RBM33: variants seen among roughly 807,000 people sequenced by gnomAD.
RBM33 encodes the protein RNA-binding protein 33.
RBM33 carries 28 observed loss-of-function variants against 132.6 expected under a neutral mutation model. That is an observed-to-expected ratio of 0.21 (90% CI 0.16 to 0.29). The LOEUF (loss-of-function observed/expected upper bound fraction) is 0.29, where lower values mean the gene tolerates loss of function less well. Ranked by LOEUF, RBM33 falls within the 10% of genes least tolerant of loss-of-function variation. RBM33 has a pLI of 1.00. For missense variants in RBM33, 1,291 were observed against 1,518.5 expected, an observed-to-expected ratio of 0.85 and a Z score of 2.49; for synonymous variants, 634 against 593.0, an observed-to-expected ratio of 1.07 and a Z score of -1.01.
intron 3 of RBM33, among the ~76,000 whole-genome samples, chr7:155,673,800 A>ACACCC (rs369078260): frequency 7.0e-6 from 1 of 141,858 alleles, no homozygotes; most frequent in Non-Finnish European, 1.5e-5. Context: ...ACACACACAC[A>ACACCC]CCCCTACCAG....
At chr7:155,649,912 A>T (rs916613875) in intron 1 of RBM33, among the ~76,000 whole-genome samples, 1 of 152,202 alleles carries the variant, frequency 6.6e-6, no homozygotes, top group African/African-American at 2.4e-5. Context: ...TAGCTCAAAG[A>T]TCAGCCAGAG....
chr7:155,695,785 A>G (rs1176539309), intron 5 of RBM33, among the ~76,000 whole-genome samples: 2 of 152,184 alleles, frequency 1.3e-5, no homozygotes, highest in African/African-American at 4.8e-5. Context: ...ATGTCTTTTC[A>G]TGAGCAGAAA....
intron 12 of RBM33, among the ~76,000 whole-genome samples, 163 bp from the exon 13 acceptor site, chr7:155,741,654 ATT>A (rs2117031102): frequency 6.6e-6 from 1 of 152,340 alleles, no homozygotes; most frequent in Admixed American, 6.5e-5. Context: ...ATCAGGTGAC[ATT>A]TATGTATGAG....
At chr7:155,644,994 C>T (rs1448702930) in intron 1 of RBM33, 75 bp downstream of exon 1, 1 of 1,182,782 alleles carries the variant, frequency 8.5e-7, no homozygotes, top group Middle Eastern at 2.0e-4. Context: ...GGGGCCTCCC[C>T]GCTTAGGAGA....
At chr7:155,763,421 C>CATGCA (rs1802101366) in intron 14 of RBM33, among the ~76,000 whole-genome samples, 1 of 152,348 alleles carries the variant, frequency 6.6e-6, no homozygotes, top group East Asian at 1.9e-4. Context: ...AACCACTGCT[C>CATGCA]ATGCAAACTG....
chr7:155,706,993 G>A lies in RBM33; in HGVS notation c.873G>A (p.Gln291=), dbSNP rs1210639786. The A allele has an allele frequency of 1.9e-6, 3 of 1,591,070 alleles. No homozygotes were observed. The highest frequency in any genetic ancestry group is 2.6e-6 in the Non-Finnish European group (3 of 1,168,782). ...TGATGTGTCGTGGTGTGGGGGACCA[G>A]AGGAGAGAGAGCACCGAGAGGGGCA... ...GPLMCRGVGD[Q]RRESTERGRM... The change falls in exon 7 of 18, where the codon CAG becomes CAA. Residue 291 remains glutamine (Q), a synonymous_variant. Coordinates refer to ENST00000401878, the MANE Select transcript of RBM33 (RefSeq NM_053043.3).
chr7:155,745,826 A>G lies in RBM33; in HGVS notation c.2979+224A>G, dbSNP rs1362201855. 3.5e-6 allele frequency: 2 copies of G among 564,096 alleles called. No individual in the cohort carries two copies. The highest frequency in any genetic ancestry group is 1.9e-5 in the African/African-American group (1 of 53,242). 34.9% of individuals were successfully genotyped at this position (564,096 alleles called of 1,614,324 possible). A position where few individuals can be genotyped will look rare whatever the true frequency, so the allele number is the denominator to read the frequency against. ...GATTTTGTCATTGTCTGAACGTGCT[A>G]GAATGTACTTCCATACACAGACGGT... is the stretch of plus-strand genomic sequence containing the variant. On this transcript the variant is annotated intron_variant, in intron 14 of 17. Coordinates refer to ENST00000401878, the MANE Select transcript of RBM33 (RefSeq NM_053043.3). This position sits in a 1 kb window ranked among gnomAD's most constrained non-coding sequence, Gnocchi z 4.1.
intron 3 of RBM33, among the ~76,000 whole-genome samples, chr7:155,673,940 G>GTTGTTGTTTGTTTGTTTTT: frequency 5.5e-5 from 3 of 54,214 alleles, no homozygotes; most frequent in Non-Finnish European, 9.7e-5. Context: ...TTTAGGCTTA[G>GTTGTTGTTTGTTTGTTTTT]TTTTTTTTTT....
chr7:155,654,050 A>G (rs1214537602), intron 1 of RBM33, among the ~76,000 whole-genome samples: 2 of 152,234 alleles, frequency 1.3e-5, no homozygotes, highest in South Asian at 2.1e-4. Flanking sequence ...TTTAAAAAAT[A>G]TTGCAAAAGA....
At chr7:155,749,155 G>T (rs574559179) in intron 14 of RBM33, among the ~76,000 whole-genome samples, 3 of 152,274 alleles carry the variant, frequency 2.0e-5, no homozygotes, top group South Asian at 4.1e-4. Context: ...TGCAAGTGGG[G>T]TTAGTAAGTC....
At chr7:155,761,621 C>T (rs1052619259) in intron 14 of RBM33, among the ~76,000 whole-genome samples, 1 of 152,122 alleles carries the variant, frequency 6.6e-6, no homozygotes, top group African/African-American at 2.4e-5. Context: ...GGGTCCATTG[C>T]GGTGATCCCT....
At chr7:155,716,054 C>T (rs966351351) in intron 8 of RBM33, among the ~76,000 whole-genome samples, 2 of 152,196 alleles carry the variant, frequency 1.3e-5, no homozygotes, top group Non-Finnish European at 2.9e-5. Flanking sequence ...CCATTAAATA[C>T]ATGGGACAAG....
At chr7:155,694,013 C>A (rs1799719575) in intron 5 of RBM33, among the ~76,000 whole-genome samples, 1 of 152,126 alleles carries the variant, frequency 6.6e-6, no homozygotes, top group African/African-American at 2.4e-5. Flanking sequence ...TGTTGCCGAG[C>A]ATCCTGTTGT....
chr7:155,646,582 C>T (rs183136784), intron 1 of RBM33, among the ~76,000 whole-genome samples: 56 of 152,330 alleles, frequency 3.7e-4, no homozygotes, highest in Non-Finnish European at 7.1e-4. Flanking sequence ...ATGGACTGCT[C>T]CTGTACCCGC....
intron 3 of RBM33, among the ~76,000 whole-genome samples, chr7:155,677,831 C>G (rs192641138): frequency 6.6e-6 from 1 of 152,220 alleles, no homozygotes; most frequent in Admixed American, 6.5e-5. Flanking sequence ...GTGTGAATGA[C>G]AGTGTGTGTG....
chr7:155,673,768 G>GCGCGCACACACACACA (rs1554469952), intron 3 of RBM33, among the ~76,000 whole-genome samples: 7 of 132,962 alleles, frequency 5.3e-5, no homozygotes, highest in African/African-American at 1.3e-4. Flanking sequence ...GCGCATGCGC[G>GCGCGCACACACACACA]CACACACACA....
chr7:155,731,720 A>G (rs1563165205), intron 9 of RBM33, among the ~76,000 whole-genome samples: 1 of 152,200 alleles, frequency 6.6e-6, no homozygotes, highest in African/African-American at 2.4e-5. Context: ...ATATTTTCAG[A>G]TTTCAATTGA....
rs565416001 is a variant in RBM33, at chr7:155,720,903, A to G, written c.1260+2460A>G. ...CTTTAAAAACTGACTACACACACGC[A>G]CACACAAAGTGATGGAACATTGAAC... On this transcript the variant is annotated intron_variant, in intron 9 of 17. Transcript: ENST00000401878. 2.0e-5 allele frequency among the ~76,000 whole-genome samples: 3 copies of G among 152,282 alleles called. No individual in the cohort carries two copies. The East Asian group carries it at 5.8e-4, about 29-fold the overall frequency.
intron 5 of RBM33, among the ~76,000 whole-genome samples, chr7:155,688,304 C>T (rs1433644123): frequency 4.6e-5 from 7 of 152,132 alleles, no homozygotes; most frequent in East Asian, 1.9e-4. Context: ...TAAGAATGCT[C>T]GTGATTTTTG....
Sources: gnomAD v4.1 joint callset for allele counts (sites outside exome capture counted in the v4.1 genomes callset) on GRCh38, gnomAD v4.1.1 for gene constraint, Gnocchi (gnomAD v3.1) non-coding constraint, MANE v1.5 for transcripts, NCBI Gene and HGNC (gene_info 2026-07-23, HGNC 2026-07-21) for gene names.